Variants in TRPC4 observed in about 807,000 individuals in gnomAD.
TRPC4 encodes transient receptor potential cation channel subfamily C member 4, also known as short transient receptor potential channel 4.
Under a neutral mutation model 99.4 loss-of-function variants are expected in TRPC4, and 49 were observed. The ratio of observed to expected loss-of-function variants is 0.49; its 90% confidence interval spans 0.39 to 0.63. The LOEUF (loss-of-function observed/expected upper bound fraction) is 0.63, where lower values mean the gene tolerates loss of function less well. Ranked by LOEUF, TRPC4 falls within the 20% of genes least tolerant of loss-of-function variation. TRPC4 has a pLI of 0.00. For synonymous variants in TRPC4, 454 were observed against 425.9 expected (o/e 1.07, Z -0.81); for missense variants, 898 against 1,152.9 (o/e 0.78, Z 3.20).
At chr13:37,776,786 G>GT (rs1413244518) in intron 2 of TRPC4, among the ~76,000 whole-genome samples, 1 of 151,818 alleles carries the variant, frequency 6.6e-6, no homozygotes, top group East Asian at 1.9e-4. Flanking sequence ...TAAAAGTGAA[G>GT]TTTTTCAGGG....
At chr13:37,751,165 G>T (rs752943966) in intron 2 of TRPC4, among the ~76,000 whole-genome samples, 18 of 151,912 alleles carry the variant, frequency 1.2e-4, no homozygotes, top group Admixed American at 1.2e-3. Flanking sequence ...AGAGAGGATG[G>T]ACAGGGCCCA....
At chr13:37,818,890 C>T (rs1031394867) in intron 1 of TRPC4, among the ~76,000 whole-genome samples, 7 of 151,520 alleles carry the variant, frequency 4.6e-5, no homozygotes, top group Admixed American at 2.0e-4. Flanking sequence ...CCATGGCACG[C>T]GTATACCTAT....
chr13:37,716,260 A>G (rs1240455609), intron 3 of TRPC4, among the ~76,000 whole-genome samples: 1 of 152,222 alleles, frequency 6.6e-6, no homozygotes, highest in Non-Finnish European at 1.5e-5. Context: ...GTACAAAAAA[A>G]TTCTAAGTAC....
chr13:37,640,091 A>T (rs1228761885), intron 8 of TRPC4, among the ~76,000 whole-genome samples: 1 of 152,130 alleles, frequency 6.6e-6, no homozygotes, highest in Middle Eastern at 3.4e-3. Flanking sequence ...TTAGAAAAAA[A>T]CCCTACATAA....
At chr13:37,814,880 T>C (rs1957802058) in intron 1 of TRPC4, among the ~76,000 whole-genome samples, 1 of 151,748 alleles carries the variant, frequency 6.6e-6, no homozygotes. Context: ...CAAAACAATC[T>C]GATAAAACAG....
intron 3 of TRPC4, among the ~76,000 whole-genome samples, chr13:37,729,293 C>T (rs541177191): frequency 5.9e-5 from 9 of 152,116 alleles, no homozygotes; most frequent in East Asian, 1.9e-4. Flanking sequence ...CCCTCACACT[C>T]GTTAGGATGG....
At chr13:37,799,757 C>G (rs923371536) in intron 1 of TRPC4, among the ~76,000 whole-genome samples, 1 of 152,138 alleles carries the variant, frequency 6.6e-6, no homozygotes, top group African/African-American at 2.4e-5. Context: ...AATGCACAAC[C>G]CAAGAAGGTT....
At chr13:37,652,414 T>C (rs985568637) in intron 7 of TRPC4, among the ~76,000 whole-genome samples, 17 of 152,244 alleles carry the variant, frequency 1.1e-4, no homozygotes, top group African/African-American at 3.9e-4. Context: ...GCATACTTTT[T>C]TATTCTGCGC....
rs537802945 is a variant in TRPC4 at position 37,799,213 on chromosome 13, C to T, written c.-27-15853G>A. Among the ~76,000 whole-genome samples, 7 of 152,214 alleles carry T rather than the reference C, an allele frequency of 4.6e-5. No homozygotes were observed. The South Asian group carries it at 8.3e-4, about 18-fold the overall frequency. ...CCTCCCAAAGTGCTGGGATTACAGGCGTGAGCCACTGCGCCCGGCCTAAAG... is the reference window on the plus strand; with the variant it reads ...CCTCCCAAAGTGCTGGGATTACAGGTGTGAGCCACTGCGCCCGGCCTAAAG... On this transcript the variant is annotated intron_variant, in intron 1 of 10. Coordinates refer to ENST00000379705, the MANE Select transcript of TRPC4 (RefSeq NM_016179.4).
chr13:37,815,709 G>A (rs1957832915), intron 1 of TRPC4, among the ~76,000 whole-genome samples: 1 of 151,808 alleles, frequency 6.6e-6, no homozygotes, highest in Admixed American at 6.6e-5. Flanking sequence ...ACAGGTCATT[G>A]AGGCACAAAA....
At chr13:37,863,774 G>T (rs1959556144) in intron 1 of TRPC4, among the ~76,000 whole-genome samples, 1 of 151,500 alleles carries the variant, frequency 6.6e-6, no homozygotes, top group African/African-American at 2.4e-5. Flanking sequence ...ATTCATATTG[G>T]TGTATGATCA....
At chr13:37,735,333 A>G (rs1955363464) in intron 3 of TRPC4, among the ~76,000 whole-genome samples, 1 of 152,164 alleles carries the variant, frequency 6.6e-6, no homozygotes, top group Non-Finnish European at 1.5e-5. Context: ...CCAAAAGACA[A>G]TCTATTGGCT....
chr13:37,679,849 A>C (rs762669048), intron 4 of TRPC4, among the ~76,000 whole-genome samples: 15 of 152,236 alleles, frequency 9.9e-5, no homozygotes, highest in African/African-American at 1.4e-4. Flanking sequence ...TGATGCCTGC[A>C]CTGCATTTTA....
intron 3 of TRPC4, among the ~76,000 whole-genome samples, chr13:37,740,994 T>C (rs1474966347): frequency 6.6e-6 from 1 of 152,288 alleles, no homozygotes; most frequent in Non-Finnish European, 1.5e-5. Flanking sequence ...AAATTTAAGC[T>C]AATGTTGCAA....
chr13:37,842,372 G>GAAAAAAAAAAAAAAA lies in TRPC4; in HGVS notation c.-28+27222_-28+27223insTTTTTTTTTTTTTTT, dbSNP rs1566216069. On this transcript the variant is annotated intron_variant, in intron 1 of 10. Transcript: ENST00000379705. ...AAAAAAAAAAAAAAAAAAAAAAAAGGAAAAGGAAAAGTATAAATCGGGGGC... is the reference window on the plus strand; with the variant it reads ...AAAAAAAAAAAAAAAAAAAAAAAAGGAAAAAAAAAAAAAAAAAAAGGAAAAGTATAAATCGGGGGC... Among the ~76,000 whole-genome samples the GAAAAAAAAAAAAAAA allele has an allele frequency of 1.7e-3, 121 of 72,086 alleles. 5 individuals carry two copies. Among genetic ancestry groups the GAAAAAAAAAAAAAAA allele is most frequent in the Non-Finnish European group, 2.0e-3 (70 of 34,958 alleles). The allele number at this position is 72,086 out of a possible 152,430, so 47.3% of individuals were successfully genotyped here.
At chr13:37,745,457 T>TATATATATGC (rs1555265715) in intron 3 of TRPC4, among the ~76,000 whole-genome samples, 1 of 8,022 alleles carries the variant, frequency 1.2e-4, no homozygotes, top group African/African-American at 2.4e-4. Flanking sequence ...TATATATATA[T>TATATATATGC]ATATATATAT....
chr13:37,799,271 T>C (rs1333767769), intron 1 of TRPC4, among the ~76,000 whole-genome samples: 1 of 152,150 alleles, frequency 6.6e-6, no homozygotes, highest in Non-Finnish European at 1.5e-5. Flanking sequence ...ACCTGGTCAA[T>C]GCTGTGCCCT....
intron 1 of TRPC4, among the ~76,000 whole-genome samples, chr13:37,818,042 T>C (rs1411454244): frequency 6.6e-6 from 1 of 151,958 alleles, no homozygotes; most frequent in African/African-American, 2.4e-5. Flanking sequence ...AAATGGGACC[T>C]AATTAAACTA....
At chr13:37,863,587 T>C (rs1959541446) in intron 1 of TRPC4, among the ~76,000 whole-genome samples, 1 of 151,582 alleles carries the variant, frequency 6.6e-6, no homozygotes, top group African/African-American at 2.4e-5. Flanking sequence ...GTGACCTCAG[T>C]GTGATTCAGG....
Sources: allele counts gnomAD v4.1 joint callset (sites outside exome capture counted in the v4.1 genomes callset), GRCh38; gene constraint gnomAD v4.1.1; transcripts MANE v1.5; gene names NCBI Gene and HGNC (gene_info 2026-07-23, HGNC 2026-07-21).